SACS: variants seen among roughly 807,000 people sequenced by gnomAD.
The protein encoded by SACS is sacsin molecular chaperone, also known as sacsin.
Under a neutral mutation model 348.0 loss-of-function variants are expected in SACS, and 197 were observed. That is an observed-to-expected ratio of 0.57 (90% confidence interval 0.50 to 0.64). The LOEUF (loss-of-function observed/expected upper bound fraction) is 0.64, where lower values mean the gene tolerates loss of function less well. Ranked by LOEUF, SACS falls within the 30% of genes least tolerant of loss-of-function variation. The pLI is 0.00. For missense variants in SACS, 4,999 were observed against 5,360.8 expected, an observed-to-expected ratio of 0.93 and a Z score of 2.11; for synonymous variants, 1,985 against 1,910.6, an observed-to-expected ratio of 1.04 and a Z score of -1.02.
rs752246246 is a variant in SACS at position 23,334,803 on chromosome 13, G to A, written c.9073C>T (p.Pro3025Ser). The change falls in exon 10 of 10, where the codon CCA (proline) becomes TCA (serine). Residue 3025 changes from proline (P) to serine (S), a missense_variant. Transcript: ENST00000382292. ...TCCTGTAGTAAATTGTCAAAAAATG[G>A]TCTAGTTTTATTAGAAGTAGACATA... ...INMSTSNKTR[P>S]FFDNLLQDEL... The A allele has an allele frequency of 1.9e-6, 3 of 1,613,706 alleles. No homozygotes were observed. The South Asian group carries it at 3.3e-5, about 18-fold the overall frequency.
intron 3 of SACS, among the ~76,000 whole-genome samples, chr13:23,374,647 T>A (rs1164683235): frequency 3.3e-5 from 5 of 152,216 alleles, no homozygotes; most frequent in Non-Finnish European, 7.3e-5. Context: ...AAAGTTTTAG[T>A]ATGTTTACTC....
chr13:23,353,750 A>G (rs776198647), intron 9 of SACS, 35 bp downstream of exon 9: 1 of 1,178,410 alleles, frequency 8.5e-7, no homozygotes, highest in South Asian at 1.4e-5. Flanking sequence ...ATTTTTATAT[A>G]GAAGTTTATT....
At chr13:23,412,041 C>T (rs1873505025) in intron 1 of SACS, among the ~76,000 whole-genome samples, 1 of 152,184 alleles carries the variant, frequency 6.6e-6, no homozygotes, top group African/African-American at 2.4e-5. Context: ...GCGCAGGTCA[C>T]AAGGTCAGGA....
intron 1 of SACS, among the ~76,000 whole-genome samples, chr13:23,423,679 C>G (rs886870216): frequency 2.0e-5 from 3 of 152,134 alleles, no homozygotes; most frequent in Non-Finnish European, 2.9e-5. Context: ...TTTCATTAAA[C>G]AAGTTCCAAA....
chr13:23,403,149 G>A (rs1873056844), intron 2 of SACS, among the ~76,000 whole-genome samples: 1 of 151,566 alleles, frequency 6.6e-6, no homozygotes, highest in African/African-American at 2.4e-5. Flanking sequence ...CTGCACTCTA[G>A]CCTGGGCAAC....
At chr13:23,373,225 T>C (rs1593159286) in intron 3 of SACS, among the ~76,000 whole-genome samples, 1 of 152,282 alleles carries the variant, frequency 6.6e-6, no homozygotes, top group South Asian at 2.1e-4. Flanking sequence ...GGAGTAAGAA[T>C]GACAAACTGC....
chr13:23,417,937 C>T (rs554643439), intron 1 of SACS, among the ~76,000 whole-genome samples: 2 of 151,836 alleles, frequency 1.3e-5, no homozygotes, highest in South Asian at 4.2e-4. Context: ...GGCATGGTGG[C>T]ACGCACTTGT....
chr13:23,357,207 T>A (rs1402449757), intron 7 of SACS, among the ~76,000 whole-genome samples: 4 of 152,216 alleles, frequency 2.6e-5, no homozygotes, highest in African/African-American at 9.6e-5. Context: ...TGCTTAAGCC[T>A]CCAGGCTTTT....
Position 23,337,565 on chromosome 13 carries a change from C to G in SACS, c.6311G>C (p.Gly2104Ala). 2.5e-6 allele frequency: 4 copies of G among 1,613,842 alleles called. No individual in the cohort carries two copies. The highest frequency in any genetic ancestry group is 3.4e-6 in the Non-Finnish European group (4 of 1,179,904). ...VTPCIPCSLE[G>A]HPLVLPSRLI... is the part of the protein sequence containing the mutation. ...TCTTGATGGCAAAACCAAAGGATGC[C>G]CCTCCAAGGAACAAGGAATACATGG... Residue 2104 changes from glycine to alanine, a missense_variant, in exon 10 of 10, where the codon GGG (glycine) becomes GCG (alanine). Gly to Ala is a moderately conservative substitution (Grantham distance 60). Transcript: ENST00000382292.
At chr13:23,348,361 AC>A (rs140349990) in intron 9 of SACS, among the ~76,000 whole-genome samples, 12,269 of 152,256 alleles carry the variant, frequency 0.081, 637 homozygotes, top group Admixed American at 0.15. Context: ...CTATTAACTC[AC>A]AGACACTAAG....
At chr13:23,425,500 T>G (rs1341000896) in intron 1 of SACS, among the ~76,000 whole-genome samples, 1 of 152,092 alleles carries the variant, frequency 6.6e-6, no homozygotes, top group African/African-American at 2.4e-5. Flanking sequence ...GTTTGGGGCC[T>G]GATGTCGTGC....
At chr13:23,368,365 C>T in intron 5 of SACS, 37 bp downstream of exon 5, 1 of 1,437,246 alleles carries the variant, frequency 7.0e-7, no homozygotes, top group Non-Finnish European at 9.6e-7. Context: ...TCATTTTTAT[C>T]AAAGTAAATA....
At position 23,338,266 on chromosome 13, in the gene SACS, C is replaced by T. The variant is rs765722028; in HGVS notation, c.5610G>A (p.Val1870=). 1.2e-6 allele frequency: 2 copies of T among 1,614,070 alleles called. No individual in the cohort carries two copies. Among genetic ancestry groups the T allele is most frequent in the East Asian group, 4.5e-5 (2 of 44,864 alleles). ...KWTVKPHIGE[V]FCYLPLRIKT... is the part of the protein sequence containing the mutation. Reference sequence around the variant, plus strand: ...TTATTCGTAAAGGTAAATAGCAAAACACCTCTCCAATGTGTGGTTTCACTG... The same window carrying T: ...TTATTCGTAAAGGTAAATAGCAAAATACCTCTCCAATGTGTGGTTTCACTG... Residue 1870 remains valine, a synonymous_variant, in exon 10 of 10, where the codon GTG becomes GTA. Coordinates refer to ENST00000382292, the MANE Select transcript of SACS (RefSeq NM_014363.6).
Position 23,339,231 on chromosome 13 carries a change from C to T in SACS, c.4645G>A (p.Glu1549Lys), listed in dbSNP as rs919427475. 9 of 1,609,410 alleles carry T rather than the reference C, an allele frequency of 5.6e-6. No homozygotes were observed. Among genetic ancestry groups the T allele is most frequent in the South Asian group, 1.1e-5 (1 of 89,816 alleles). The change falls in exon 10 of 10, where the codon GAA (glutamate) becomes AAA (lysine). Residue 1549 changes from glutamate to lysine, a missense_variant. By Grantham distance (56) the Glu-to-Lys change is moderately conservative. Around this residue, in one of 6 missense-constraint regions of SACS, gnomAD observed 3,156 missense variants for 3,380.1 expected, o/e 0.93. Coordinates refer to ENST00000382292, the MANE Select transcript of SACS (RefSeq NM_014363.6). ...TRLGESLKRG[E>K]VDKVGKFGLG... ...CCAAATTTTCCAACTTTGTCAACTTCTCCCCTTTTTAAAGATTCTCCTAAC... is the reference window on the plus strand; with the variant it reads ...CCAAATTTTCCAACTTTGTCAACTTTTCCCCTTTTTAAAGATTCTCCTAAC...
At chr13:23,361,716 G>C (rs1323135319) in intron 6 of SACS, among the ~76,000 whole-genome samples, 1 of 151,932 alleles carries the variant, frequency 6.6e-6, no homozygotes, top group African/African-American at 2.4e-5. Flanking sequence ...GGCAGAGGCT[G>C]CAGACAGCCA....
rs149139875 is a variant in SACS, at chr13:23,331,830, T to C, written c.12046A>G (p.Ile4016Val). The C allele has an allele frequency of 1.9e-6, 3 of 1,614,090 alleles. No homozygotes were observed. The highest frequency in any genetic ancestry group is 1.7e-6 in the Non-Finnish European group (2 of 1,179,956). The change falls in exon 10 of 10, where the codon ATT (isoleucine) becomes GTT (valine). Residue 4016 changes from isoleucine to valine, a missense_variant. This residue lies in a region of SACS where 831 missense variants were observed against 941.8 expected (regional missense o/e 0.88). Transcript: ENST00000382292. ...LSSEQFITGL[I>V]RIMKHENDNA... ...TCATTTTCATGCTTCATAATTCTAATCAGTCCTGTAATGAACTGTTCAGAA... is the reference window on the plus strand; with the variant it reads ...TCATTTTCATGCTTCATAATTCTAACCAGTCCTGTAATGAACTGTTCAGAA...
intron 2 of SACS, among the ~76,000 whole-genome samples, chr13:23,399,790 G>A (rs759773005): frequency 6.6e-6 from 1 of 151,754 alleles, no homozygotes; most frequent in Non-Finnish European, 1.5e-5. Context: ...CCCCATCACA[G>A]ACATGCTAGC....
intron 4 of SACS, among the ~76,000 whole-genome samples, chr13:23,370,160 C>G (rs1871297365): frequency 6.6e-6 from 1 of 152,144 alleles, no homozygotes; most frequent in African/African-American, 2.4e-5. Context: ...ACCCGGCCCC[C>G]ACTCATTCTT....
Position 23,329,983 on chromosome 13 carries a change from T to C in SACS, c.*153A>G. 1.4e-6 allele frequency: 1 copy of C among 708,920 alleles called. No individual in the cohort carries two copies. The highest frequency in any genetic ancestry group is 2.4e-6 in the Non-Finnish European group (1 of 423,816). The allele number at this position is 708,920 out of a possible 1,614,324, so 43.9% of individuals were successfully genotyped here. ...AGATTCAGTTAAGGTTTTCCGTTGGTATTCATGTTCATAACAACTCCAGAA... is the reference window on the plus strand; with the variant it reads ...AGATTCAGTTAAGGTTTTCCGTTGGCATTCATGTTCATAACAACTCCAGAA... On this transcript the variant is annotated 3_prime_UTR_variant, in exon 10 of 10. Coordinates refer to ENST00000382292, the MANE Select transcript of SACS (RefSeq NM_014363.6).
Sources: allele counts gnomAD v4.1 joint callset (sites outside exome capture counted in the v4.1 genomes callset), GRCh38; gene constraint gnomAD v4.1.1; regional missense constraint gnomAD v4.1.1; transcripts MANE v1.5; gene names NCBI Gene and HGNC (gene_info 2026-07-23, HGNC 2026-07-21).